Variants in SEC22C observed in about 807,000 individuals in gnomAD.
The protein encoded by SEC22C is vesicle-trafficking protein SEC22c.
Under a neutral mutation model 34.7 loss-of-function variants are expected in SEC22C, and 29 were observed. The observed-to-expected ratio is 0.84, with a 90% confidence interval of 0.62 to 1.14. The LOEUF (loss-of-function observed/expected upper bound fraction) is 1.14, where lower values mean the gene tolerates loss of function less well. Among genes scored for constraint, SEC22C ranks in the 50% most tolerant of loss-of-function variants. SEC22C has a pLI of 0.00. For missense variants in SEC22C, 337 were observed against 369.0 expected (o/e 0.91, Z 0.71); for synonymous variants, 117 against 132.8 (o/e 0.88, Z 0.82).
At position 42,549,422 on chromosome 3, in the gene SEC22C, AG is replaced by A. The variant is rs373745156; in HGVS notation, c.*3825del. On this transcript the variant is annotated 3_prime_UTR_variant, in exon 7 of 7. Transcript: ENST00000264454. ...TGCAGTGTGCAACCCCCATATGCCA[AG>A]GGGCAGCTGCTATCTTCCAGCAGAG... 9.1e-6 allele frequency: 9 copies of A among 985,600 alleles called. No individual in the cohort carries two copies. In the African/African-American group the frequency reaches 1.2e-4, roughly 13 times the overall value. 61.1% of individuals were successfully genotyped at this position (985,600 alleles called of 1,614,324 possible).
At chr3:42,575,123 C>T (rs1296791658) in intron 1 of SEC22C, among the ~76,000 whole-genome samples, 2 of 152,224 alleles carry the variant, frequency 1.3e-5, no homozygotes, top group African/African-American at 4.8e-5. Context: ...ACTGGGATTA[C>T]AGGCATGAGC....
intron 1 of SEC22C, among the ~76,000 whole-genome samples, chr3:42,577,493 T>C (rs1704043362): frequency 6.6e-6 from 1 of 152,170 alleles, no homozygotes; most frequent in African/African-American, 2.4e-5. Flanking sequence ...GATATATGGA[T>C]GGCAAATCAG....
intron 2 of SEC22C, 23 bp from the exon 3 acceptor site, chr3:42,563,709 G>A (rs1216197810): frequency 6.2e-7 from 1 of 1,613,132 alleles, no homozygotes; most frequent in Non-Finnish European, 8.5e-7. Flanking sequence ...GGCAATATCT[G>A]TATTACCAGG....
chr3:42,583,420 C>G (rs1453074236), upstream of SEC22C, among the ~76,000 whole-genome samples: 1 of 152,180 alleles, frequency 6.6e-6, no homozygotes, highest in Non-Finnish European at 1.5e-5. Flanking sequence ...TGCCACTGTT[C>G]AGCCTTGGAT....
At chr3:42,557,458 A>G in intron 5 of SEC22C, 120 bp downstream of exon 5, 1 of 470,756 alleles carries the variant, frequency 2.1e-6, no homozygotes. Context: ...TTATAATAAA[A>G]TTCATATTAG....
intron 1 of SEC22C, among the ~76,000 whole-genome samples, chr3:42,575,479 T>G (rs918618686): frequency 6.6e-6 from 1 of 152,204 alleles, no homozygotes; most frequent in Admixed American, 6.5e-5. Context: ...GCAAGAGTTA[T>G]ATTATCATCA....
intron 5 of SEC22C, among the ~76,000 whole-genome samples, chr3:42,556,333 G>A (rs115600975): frequency 0.012 from 1,756 of 152,302 alleles, 42 homozygotes; most frequent in African/African-American, 0.039. Flanking sequence ...GCCTCTTTAG[G>A]ATTGCCACCA....
chr3:42,573,698 T>C (rs1279529032), intron 1 of SEC22C, among the ~76,000 whole-genome samples: 1 of 151,918 alleles, frequency 6.6e-6, no homozygotes, highest in Non-Finnish European at 1.5e-5. Context: ...ATTAATTAAC[T>C]AAAGTAAAAA....
At chr3:42,592,889 G>C (rs915254082) in intron 1 of SEC22C, among the ~76,000 whole-genome samples, 2 of 152,008 alleles carry the variant, frequency 1.3e-5, no homozygotes, top group African/African-American at 4.8e-5. Context: ...GTAAACTTAT[G>C]TTGATCATGA....
At chr3:42,583,609 TG>T (rs1704507494), upstream of SEC22C, among the ~76,000 whole-genome samples, 1 of 152,166 alleles carries the variant, frequency 6.6e-6, no homozygotes, top group Admixed American at 6.5e-5. Context: ...CTCAGGTAGC[TG>T]GGGGAACATT....
intron 2 of SEC22C, among the ~76,000 whole-genome samples, chr3:42,568,553 C>A (rs893859631): frequency 2.7e-5 from 4 of 150,906 alleles, no homozygotes; most frequent in Non-Finnish European, 5.9e-5. Flanking sequence ...GGCTGAGGCA[C>A]GAGAACTGCT....
chr3:42,573,668 G>A (rs12631025), intron 1 of SEC22C: 29,994 of 152,082 alleles, frequency 0.2, 3,660 homozygotes, highest in Non-Finnish European at 0.27. Context: ...ACCCCCATCT[G>A]TATGAAAATA....
rs957863146 is a variant in SEC22C, at chr3:42,589,039, C to T, written c.-28+11921G>A. 5.3e-5 allele frequency among the ~76,000 whole-genome samples: 8 copies of T among 151,756 alleles called. No individual in the cohort carries two copies. The East Asian group carries it at 5.8e-4, about 11-fold the overall frequency. Reference sequence around the variant, plus strand: ...CAGCACTTTTGGAGGCCGAAGCGGGCGGATCACGAGGTCAGGAGTTCAAGA... The same window carrying T: ...CAGCACTTTTGGAGGCCGAAGCGGGTGGATCACGAGGTCAGGAGTTCAAGA... On this transcript the variant is annotated intron_variant, in intron 1 of 6. Coordinates refer to the SEC22C transcript ENST00000417572.
intron 1 of SEC22C, among the ~76,000 whole-genome samples, chr3:42,574,528 T>C (rs1703843204): frequency 1.3e-5 from 2 of 152,132 alleles, no homozygotes; most frequent in African/African-American, 4.8e-5. Flanking sequence ...GGTAAAAACT[T>C]TTAAAAATAT....
rs1243293627 is a variant in SEC22C at position 42,548,026 on chromosome 3, CATAGGATATAA to C, written c.*5211_*5221del. On this transcript the variant is annotated 3_prime_UTR_variant, in exon 7 of 7. Transcript: ENST00000264454. ...CTGAAGCCACCTCATTTAATTTATACATAGGATATAAATGGCTATACATTTTTACACACTTT... is the reference window on the plus strand; with the variant it reads ...CTGAAGCCACCTCATTTAATTTATACATGGCTATACATTTTTACACACTTT... 6.6e-6 allele frequency: 1 copy of C among 152,360 alleles called. No homozygotes were observed. Among genetic ancestry groups the C allele is most frequent in the Non-Finnish European group, 1.5e-5 (1 of 68,152 alleles). 9.4% of individuals were successfully genotyped at this position (152,360 alleles called of 1,614,324 possible). A position where few individuals can be genotyped will look rare whatever the true frequency, so the allele number is the denominator to read the frequency against.
At chr3:42,600,746 C>G (rs1705302632) in intron 1 of SEC22C, 1 of 338,486 alleles carries the variant, frequency 3.0e-6, no homozygotes, top group Admixed American at 5.0e-5. Context: ...CTCTTCTGCT[C>G]ACGGGGACCC....
At chr3:42,563,007 T>C (rs148997945) in intron 3 of SEC22C, among the ~76,000 whole-genome samples, 3 of 152,382 alleles carry the variant, frequency 2.0e-5, no homozygotes, top group African/African-American at 4.8e-5. Context: ...TTTCTGTGCT[T>C]ACCTCCTGAT....
intron 2 of SEC22C, among the ~76,000 whole-genome samples, chr3:42,565,357 A>T (rs1215384104): frequency 6.6e-6 from 1 of 151,938 alleles, no homozygotes; most frequent in Non-Finnish European, 1.5e-5. Context: ...TTTCCAATCT[A>T]AAAAAAAGGA....
intron 1 of SEC22C, among the ~76,000 whole-genome samples, chr3:42,587,898 C>A (rs1387189422): frequency 6.6e-6 from 1 of 151,660 alleles, no homozygotes; most frequent in Non-Finnish European, 1.5e-5. Flanking sequence ...ATGGTAAAAA[C>A]CCCCATCTCT....
Sources: gnomAD v4.1 joint callset for allele counts (sites outside exome capture counted in the v4.1 genomes callset) on GRCh38, gnomAD v4.1.1 for gene constraint, MANE v1.5 for transcripts, NCBI Gene and HGNC (gene_info 2026-07-23, HGNC 2026-07-21) for gene names.